CHD7: variants seen among roughly 807,000 people sequenced by gnomAD.
CHD7 encodes chromodomain helicase DNA binding protein 7, also known as ATP-dependent chromatin remodeler CHD7.
In CHD7, 24 loss-of-function variants were observed where a neutral mutation model predicts 307.3. The ratio of observed to expected loss-of-function variants is 0.08; its 90% CI spans 0.06 to 0.11. The LOEUF is 0.11. CHD7 is among the 10% of genes least tolerant of loss of function. The pLI, the probability that CHD7 is intolerant of heterozygous loss-of-function variation, is 1.00. For synonymous variants in CHD7, 1,363 were observed against 1,349.9 expected, an observed-to-expected ratio of 1.01 and a Z score of -0.21; for missense variants, 3,106 against 3,727.1, an observed-to-expected ratio of 0.83 and a Z score of 4.34.
At chr8:60,752,222 T>A (rs1809675133) in intron 2 of CHD7, among the ~76,000 whole-genome samples, 1 of 152,236 alleles carries the variant, frequency 6.6e-6, no homozygotes, top group South Asian at 2.1e-4. Flanking sequence ...GCAAGTGTTA[T>A]TAATCTTAAA....
chr8:60,789,586 T>C (rs1439507509), intron 3 of CHD7, among the ~76,000 whole-genome samples: 1 of 152,218 alleles, frequency 6.6e-6, no homozygotes, highest in African/African-American at 2.4e-5. Flanking sequence ...TTTTCAAGTT[T>C]TCTTTCTGTT....
In CHD7 at chr8:60,707,842, C is replaced by T. The variant is rs1174257900; in HGVS notation, c.-175+28760C>T. The stretch of plus-strand genomic sequence containing the variant: ...TCACTATAAGTATATGGAAGCATCA[C>T]GTTGTACCTTAAATACAATTTTCAA... On this transcript the variant is annotated intron_variant, in intron 1 of 37. Coordinates refer to ENST00000423902, the MANE Select transcript of CHD7 (RefSeq NM_017780.4). Among the ~76,000 whole-genome samples, 7 of 152,262 alleles carry T rather than the reference C, an allele frequency of 4.6e-5. No homozygotes were observed. In the South Asian group the frequency reaches 8.3e-4, roughly 18 times the overall value.
At chr8:60,681,286 A>T (rs1453465653) in intron 1 of CHD7, among the ~76,000 whole-genome samples, 2 of 152,194 alleles carry the variant, frequency 1.3e-5, no homozygotes, top group African/African-American at 4.8e-5. Flanking sequence ...TACGAAGTTG[A>T]ATCCTTCTCC....
intron 1 of CHD7, among the ~76,000 whole-genome samples, chr8:60,728,264 C>G (rs1808268793): frequency 6.6e-6 from 1 of 152,238 alleles, no homozygotes; most frequent in Non-Finnish European, 1.5e-5. Context: ...AAGGTGTCAT[C>G]AGTGTGCAGT....
At chr8:60,714,827 T>A (rs1032858413) in intron 1 of CHD7, among the ~76,000 whole-genome samples, 6 of 152,210 alleles carry the variant, frequency 3.9e-5, no homozygotes, top group Non-Finnish European at 7.3e-5. Context: ...TAATTCTGTG[T>A]TCCAGGTCTG....
intron 1 of CHD7, among the ~76,000 whole-genome samples, chr8:60,682,470 TA>T (rs940100678): frequency 6.6e-6 from 1 of 152,248 alleles, no homozygotes; most frequent in Non-Finnish European, 1.5e-5. Context: ...GCCTGCTGTG[TA>T]ACCCATAAAA....
At chr8:60,845,943 A>G (rs1205020677) in intron 23 of CHD7, among the ~76,000 whole-genome samples, 2 of 152,198 alleles carry the variant, frequency 1.3e-5, no homozygotes, top group Admixed American at 6.5e-5. Flanking sequence ...TATTCTGTGT[A>G]TCTCCTAGGG....
At chr8:60,837,034 G>C (rs768693453) in intron 17 of CHD7, 22 bp downstream of exon 17, 3 of 1,570,614 alleles carry the variant, frequency 1.9e-6, no homozygotes, top group Non-Finnish European at 2.6e-6. Context: ...AGAAAGTCCT[G>C]ATGCCTTTAA....
At chr8:60,794,746 ATGTG>A (rs890278393) in intron 3 of CHD7, among the ~76,000 whole-genome samples, 2 of 152,178 alleles carry the variant, frequency 1.3e-5, no homozygotes, top group African/African-American at 4.8e-5. Context: ...CAAATGTACT[ATGTG>A]TGGTATTAGT....
intron 1 of CHD7, among the ~76,000 whole-genome samples, chr8:60,714,824 G>A (rs1807502028): frequency 6.6e-6 from 1 of 152,178 alleles, no homozygotes; most frequent in Non-Finnish European, 1.5e-5. Context: ...TTGTAATTCT[G>A]TGTTCCAGGT....
chr8:60,755,370 A>G (rs373610742), intron 2 of CHD7, among the ~76,000 whole-genome samples: 1 of 152,142 alleles, frequency 6.6e-6, no homozygotes, highest in Non-Finnish European at 1.5e-5. Context: ...TTAAGAATTT[A>G]CTATTTAGAG....
intron 1 of CHD7, among the ~76,000 whole-genome samples, chr8:60,720,907 C>T (rs982288392): frequency 6.6e-6 from 1 of 152,232 alleles, no homozygotes; most frequent in Admixed American, 6.5e-5. Context: ...AAATTACTTT[C>T]CCTTCTCCCT....
intron 6 of CHD7, among the ~76,000 whole-genome samples, chr8:60,802,535 T>C (rs1812361503): frequency 6.6e-6 from 1 of 152,168 alleles, no homozygotes; most frequent in Non-Finnish European, 1.5e-5. Context: ...AAACAAACTT[T>C]AAAAAATAAT....
intron 4 of CHD7, among the ~76,000 whole-genome samples, chr8:60,800,040 T>C (rs1369672417): frequency 6.6e-6 from 1 of 152,160 alleles, no homozygotes; most frequent in Admixed American, 6.5e-5. Context: ...TTTTTCTTTT[T>C]TTTTTTTTAA....
intron 15 of CHD7, among the ~76,000 whole-genome samples, chr8:60,834,015 G>A (rs571844551): frequency 6.6e-6 from 1 of 152,290 alleles, no homozygotes; most frequent in South Asian, 2.1e-4. Flanking sequence ...ATAACAGAGA[G>A]CTGAATTAAT....
intron 34 of CHD7, among the ~76,000 whole-genome samples, chr8:60,858,481 T>C (rs1298719601): frequency 6.6e-6 from 1 of 152,220 alleles, no homozygotes; most frequent in Non-Finnish European, 1.5e-5. Context: ...TTGAAACTAC[T>C]TCTTTGATAG....
chr8:60,681,754 T>C (rs544983006), intron 1 of CHD7, among the ~76,000 whole-genome samples: 1 of 152,196 alleles, frequency 6.6e-6, no homozygotes, highest in Non-Finnish European at 1.5e-5. Flanking sequence ...AGAATTGGGA[T>C]TGTTTTCTAG....
intron 1 of CHD7, among the ~76,000 whole-genome samples, chr8:60,713,968 C>A (rs1473193867): frequency 6.6e-6 from 1 of 152,124 alleles, no homozygotes. Flanking sequence ...AGAAAGATAG[C>A]AGACATAAAT....
Position 60,844,982 on chromosome 8 carries a change from G to A in CHD7, c.4969G>A (p.Asp1657Asn). The change falls in exon 22 of 38, where the codon GAT becomes AAT. Residue 1657 changes from aspartate (D) to asparagine (N), a missense_variant. Physicochemically the swap from Asp to Asn is conservative, Grantham distance 23 (BLOSUM62 1). Around this residue, in one of 10 missense-constraint regions of CHD7, gnomAD observed 28 missense variants for 64.7 expected, o/e 0.43. Transcript: ENST00000423902. ...GTACTGTCTTAATCATTACAAAGGG[G>A]ATGAGAATATCAAAAGCTTCATCTG... ...LVYCLNHYKG[D>N]ENIKSFIWDL... The A allele has an allele frequency of 6.2e-7, 1 of 1,613,962 alleles. No individual in the cohort carries two copies. Among genetic ancestry groups the A allele is most frequent in the Non-Finnish European group, 8.5e-7 (1 of 1,179,872 alleles).
Sources: allele counts gnomAD v4.1 joint callset (sites outside exome capture counted in the v4.1 genomes callset), GRCh38; gene constraint gnomAD v4.1.1; regional missense constraint gnomAD v4.1.1; transcripts MANE v1.5; gene names NCBI Gene and HGNC (gene_info 2026-07-23, HGNC 2026-07-21).